ATOSA: variants seen among roughly 807,000 people sequenced by gnomAD.
The protein encoded by ATOSA is atos homolog A, also known as atos homolog protein A.
At chr15:52,589,696 A>G in the ATOSA span, among the ~76,000 whole-genome samples, 2 of 152,342 alleles carry the variant, frequency 1.3e-5, no homozygotes, top group African/African-American at 2.4e-5. Flanking sequence ...CATTATTGTA[A>G]TAATTTCATC....
chr15:52,700,395 G>A, the ATOSA span, among the ~76,000 whole-genome samples: 1 of 152,114 alleles, frequency 6.6e-6, no homozygotes, highest in African/African-American at 2.4e-5. Flanking sequence ...CTTCAGGGGG[G>A]TCTCTGCCCC....
the ATOSA span, among the ~76,000 whole-genome samples, chr15:52,708,132 A>G: frequency 6.6e-6 from 1 of 152,300 alleles, no homozygotes; most frequent in South Asian, 2.1e-4. Flanking sequence ...AAAAATGAAC[A>G]AAATGAAGGG....
the ATOSA span, among the ~76,000 whole-genome samples, chr15:52,633,633 T>C: frequency 6.6e-6 from 1 of 151,944 alleles, no homozygotes; most frequent in Admixed American, 6.6e-5. Flanking sequence ...AAAAATCCCA[T>C]CAATTAGATT....
the ATOSA span, among the ~76,000 whole-genome samples, chr15:52,603,320 G>A: frequency 1.3e-5 from 2 of 152,066 alleles, no homozygotes; most frequent in Middle Eastern, 3.2e-3. Context: ...CCAAAAGACA[G>A]GCAATAACGG....
the ATOSA span, among the ~76,000 whole-genome samples, chr15:52,660,149 G>C: frequency 1.3e-5 from 2 of 152,176 alleles, no homozygotes; most frequent in African/African-American, 2.4e-5. Flanking sequence ...CATAGTAGTT[G>C]TTGAGCAAGC....
At chr15:52,694,901 A>C in the ATOSA span, among the ~76,000 whole-genome samples, 2 of 144,290 alleles carry the variant, frequency 1.4e-5, no homozygotes, top group Non-Finnish European at 3.1e-5. Context: ...TTCCCCCATT[A>C]TTCTTTTTTT....
the ATOSA span, chr15:52,648,861 A>G: frequency 6.6e-6 from 1 of 152,202 alleles, no homozygotes; most frequent in Admixed American, 6.5e-5. Context: ...TGGGCTTATT[A>G]TAAACCTTCT....
chr15:52,614,978 AT>A, the ATOSA span, among the ~76,000 whole-genome samples: 1 of 152,214 alleles, frequency 6.6e-6, no homozygotes, highest in African/African-American at 2.4e-5. Flanking sequence ...TATTATTTAC[AT>A]ATTAGAAAAA....
the ATOSA span, among the ~76,000 whole-genome samples, chr15:52,688,595 A>C: frequency 6.6e-6 from 1 of 152,224 alleles, no homozygotes; most frequent in East Asian, 1.9e-4. Context: ...AAAAGTACTT[A>C]GTTTCAGACA....
chr15:52,654,491 T>G, the ATOSA span, among the ~76,000 whole-genome samples: 4,164 of 152,234 alleles, frequency 0.027, 78 homozygotes, highest in Middle Eastern at 0.041. Context: ...AAACTAAGAA[T>G]CTGAATAACA....
chr15:52,598,894 G>A, the ATOSA span, among the ~76,000 whole-genome samples: 159 of 152,104 alleles, frequency 1.0e-3, 1 homozygote, highest in African/African-American at 3.3e-3. Context: ...TACGAGATCC[G>A]GTTGTTTAAA....
the ATOSA span, among the ~76,000 whole-genome samples, chr15:52,639,949 G>A: frequency 4.0e-5 from 6 of 150,866 alleles, no homozygotes; most frequent in African/African-American, 1.5e-4. Context: ...TAGTAGAGAC[G>A]GGGTTTCACC....
chr15:52,701,277 A>G, the ATOSA span, among the ~76,000 whole-genome samples: 2 of 151,882 alleles, frequency 1.3e-5, no homozygotes, highest in African/African-American at 4.8e-5. Flanking sequence ...CCCTGTCTCT[A>G]CAAAGTATAA....
chr15:52,596,111 C>A, the ATOSA span, among the ~76,000 whole-genome samples: 3 of 151,810 alleles, frequency 2.0e-5, no homozygotes, highest in South Asian at 4.1e-4. Context: ...AAAGTCCCTA[C>A]CCCTATTAAA....
chr15:52,585,178 T>C, the ATOSA span: 4 of 339,554 alleles, frequency 1.2e-5, no homozygotes, highest in Middle Eastern at 8.6e-4. Context: ...CAAATCAAAA[T>C]CTTTAGTCAC....
At chr15:52,660,326 C>CA in the ATOSA span, among the ~76,000 whole-genome samples, 1 of 152,206 alleles carries the variant, frequency 6.6e-6, no homozygotes, top group Non-Finnish European at 1.5e-5. Context: ...GAGGGAAGCA[C>CA]AAACTATCAT....
chr15:52,643,915 A>T, the ATOSA span, among the ~76,000 whole-genome samples: 1 of 151,190 alleles, frequency 6.6e-6, no homozygotes, highest in African/African-American at 2.4e-5. Flanking sequence ...TCAGTCTCAA[A>T]ACAAACAAAC....
At chr15:52,685,319 T>C in the ATOSA span, among the ~76,000 whole-genome samples, 14 of 152,318 alleles carry the variant, frequency 9.2e-5, no homozygotes. Flanking sequence ...TGCACCCTAA[T>C]GAGACTTGAA....
chr15:52,635,061 C>G, the ATOSA span, among the ~76,000 whole-genome samples: 1 of 152,124 alleles, frequency 6.6e-6, no homozygotes, highest in African/African-American at 2.4e-5. Flanking sequence ...ATGAGGTCTA[C>G]TTTATAATGA....
Sources: gnomAD v4.1 joint callset for allele counts (sites outside exome capture counted in the v4.1 genomes callset) on GRCh38, gnomAD v4.1.1 for gene constraint, MANE v1.5 for transcripts, NCBI Gene and HGNC (gene_info 2026-07-23, HGNC 2026-07-21) for gene names.